OBI1: variants seen among roughly 807,000 people sequenced by gnomAD.
OBI1 encodes the protein ORC ubiquitin ligase 1.
Under a neutral mutation model 62.4 loss-of-function variants are expected in OBI1, and 59 were observed. The ratio of observed to expected loss-of-function variants is 0.95; its 90% CI spans 0.77 to 1.17. The LOEUF is 1.17. OBI1 is among the 50% of genes most tolerant of loss of function. The pLI is 0.00. For synonymous variants in OBI1, 302 were observed against 292.8 expected, an observed-to-expected ratio of 1.03 and a Z score of -0.32; for missense variants, 875 against 830.9, an observed-to-expected ratio of 1.05 and a Z score of -0.65.
In OBI1 at chr13:78,616,191, T is replaced by C; in HGVS notation, c.1570A>G (p.Thr524Ala). Residue 524 changes from threonine to alanine, a missense_variant, in exon 6 of 6, where the codon ACA (threonine) becomes GCA (alanine). Transcript: ENST00000282003. Reference protein sequence around the residue: ...IRSFEMNRTRTSSEASMDAAY... With the variant: ...IRSFEMNRTRASSEASMDAAY... ...GCATCCATCGATGCTTCACTGGATG[T>C]TCTTGTCCGGTTCATTTCAAAAGAG... The C allele has an allele frequency of 1.2e-6, 2 of 1,614,136 alleles. No homozygotes were observed. The highest frequency in any genetic ancestry group is 1.7e-6 in the Non-Finnish European group (2 of 1,180,018).
intron 3 of OBI1, among the ~76,000 whole-genome samples, chr13:78,640,842 T>G (rs1485486381): frequency 2.0e-5 from 3 of 152,170 alleles, no homozygotes; most frequent in Non-Finnish European, 4.4e-5. Flanking sequence ...ATATTTATAC[T>G]TTCACTTCTA....
chr13:78,638,819 T>C lies in OBI1; in HGVS notation c.549+4A>G. On this transcript the variant is annotated splice_donor_region_variant and intron_variant, in intron 4 of 5. Coordinates refer to ENST00000282003, the MANE Select transcript of OBI1 (RefSeq NM_024546.4). ...ATAATAGATTTTTAAAAACCACAAC[T>C]TACCTCCTTTAGCTTATCCACATCA... 1.2e-6 allele frequency: 2 copies of C among 1,604,030 alleles called. No homozygotes were observed. The highest frequency in any genetic ancestry group is 1.7e-6 in the Non-Finnish European group (2 of 1,176,780).
At position 78,614,303 on chromosome 13, in the gene OBI1, C is replaced by T. The variant is rs1566272193; in HGVS notation, c.*1277G>A. 1 of 152,460 alleles carries T rather than the reference C, an allele frequency of 6.6e-6. No individual in the cohort carries two copies. Among genetic ancestry groups the T allele is most frequent in the Non-Finnish European group, 1.5e-5 (1 of 68,014 alleles). 9.4% of individuals were successfully genotyped at this position (152,460 alleles called of 1,614,324 possible). On this transcript the variant is annotated 3_prime_UTR_variant, in exon 6 of 6. Transcript: ENST00000282003. ...ACATCAAGGAACACAGTGCTTATGA[C>T]ATTCTTTATTCAATTCACATAGAAA...
intron 4 of OBI1, among the ~76,000 whole-genome samples, chr13:78,638,104 C>T (rs970876164): frequency 6.6e-6 from 1 of 152,174 alleles, no homozygotes; most frequent in Non-Finnish European, 1.5e-5. Flanking sequence ...TGTGGATAAA[C>T]TTGAACTCAA....
intron 3 of OBI1, among the ~76,000 whole-genome samples, chr13:78,639,296 A>G (rs1430330680): frequency 6.6e-6 from 1 of 152,238 alleles, no homozygotes; most frequent in Non-Finnish European, 1.5e-5. Context: ...CTTCATTTTA[A>G]TTCAATGTTA....
In OBI1 at chr13:78,616,392, C is replaced by T. The variant is rs1255441118; in HGVS notation, c.1369G>A (p.Glu457Lys). Reference sequence around the variant, plus strand: ...CCTGTCTTTGGGGAAGAAAAACATTCTGATTTCTTTTCATTTTCACTTCTA... The same window carrying T: ...CCTGTCTTTGGGGAAGAAAAACATTTTGATTTCTTTTCATTTTCACTTCTA... ...ISRSENEKKS[E>K]CFSSPKTGFW... is the part of the protein sequence containing the mutation. The change falls in exon 6 of 6, where the codon GAA (glutamate) becomes AAA (lysine). Residue 457 changes from glutamate to lysine, a missense_variant. Transcript: ENST00000282003. 2 of 1,613,066 alleles carry T rather than the reference C, an allele frequency of 1.2e-6. No homozygotes were observed. The highest frequency in any genetic ancestry group is 2.2e-5 in the South Asian group (2 of 90,842).
chr13:78,625,647 G>T (rs1440698105), intron 5 of OBI1, among the ~76,000 whole-genome samples: 1 of 152,154 alleles, frequency 6.6e-6, no homozygotes, highest in Non-Finnish European at 1.5e-5. Context: ...ACAGAAAACT[G>T]CAGTACCTGT....
chr13:78,638,355 C>A (rs142877789), intron 4 of OBI1, among the ~76,000 whole-genome samples: 111 of 152,264 alleles, frequency 7.3e-4, no homozygotes, highest in Non-Finnish European at 1.3e-3. Flanking sequence ...GAATTAGTCA[C>A]CAAGTCTTTA....
chr13:78,653,667 T>C (rs1277202436), intron 1 of OBI1, among the ~76,000 whole-genome samples: 1 of 151,882 alleles, frequency 6.6e-6, no homozygotes, highest in Non-Finnish European at 1.5e-5. Context: ...CTGATGGAGG[T>C]GATGGGAGTG....
intron 5 of OBI1, among the ~76,000 whole-genome samples, chr13:78,634,621 C>T (rs1195955416): frequency 1.3e-5 from 2 of 152,124 alleles, no homozygotes; most frequent in African/African-American, 4.8e-5. Flanking sequence ...CTAACACTTC[C>T]ACTTGTGAAG....
intron 5 of OBI1, among the ~76,000 whole-genome samples, chr13:78,631,405 T>G (rs534247272): frequency 1.1e-4 from 16 of 152,310 alleles, no homozygotes; most frequent in African/African-American, 3.8e-4. Context: ...AGAGTATTTA[T>G]TTTGTTCCAA....
chr13:78,655,639 T>A (rs1187116944), intron 1 of OBI1, among the ~76,000 whole-genome samples: 2 of 152,162 alleles, frequency 1.3e-5, no homozygotes, highest in Admixed American at 6.5e-5. Context: ...CCTGCCCTCA[T>A]CTCTCCCCCT....
rs1359560485 is a variant in OBI1 at position 78,644,743 on chromosome 13, A to C, written c.208+119T>G. Reference sequence around the variant, plus strand: ...CATTACACAAATTACTCAACCACTCAGTATTATGTTGGCCAAATAGCATCA... The same window carrying C: ...CATTACACAAATTACTCAACCACTCCGTATTATGTTGGCCAAATAGCATCA... On this transcript the variant is annotated intron_variant, in intron 2 of 5. Coordinates refer to ENST00000282003, the MANE Select transcript of OBI1 (RefSeq NM_024546.4). 3.7e-6 allele frequency: 4 copies of C among 1,073,482 alleles called. No homozygotes were observed. In the African/African-American group the frequency reaches 4.7e-5, roughly 13 times the overall value. The allele number at this position is 1,073,482 out of a possible 1,614,324, so 66.5% of individuals were successfully genotyped here.
chr13:78,614,971 T>A lies in OBI1; in HGVS notation c.*609A>T, dbSNP rs1229726444. On this transcript the variant is annotated 3_prime_UTR_variant, in exon 6 of 6. Transcript: ENST00000282003. ...ATGCTAAAAAATGCAAACATATACA[T>A]AAAACCTAAAAAAAGAAAGTAAATC... 6.6e-6 allele frequency: 1 copy of A among 151,952 alleles called. No homozygotes were observed. Among genetic ancestry groups the A allele is most frequent in the Non-Finnish European group, 1.5e-5 (1 of 67,974 alleles). The allele number at this position is 151,952 out of a possible 1,614,324, so 9.4% of individuals were successfully genotyped here. A position where few individuals can be genotyped will look rare whatever the true frequency, so the allele number is the denominator to read the frequency against.
At chr13:78,639,138 T>C in intron 3 of OBI1, 67 bp from the exon 4 acceptor site, 1 of 1,475,502 alleles carries the variant, frequency 6.8e-7, no homozygotes, top group Non-Finnish European at 9.1e-7. Flanking sequence ...TATGCTAAAC[T>C]GAAGCCAACA....
At position 78,616,587 on chromosome 13, in the gene OBI1, GA is replaced by G; in HGVS notation, c.1173del (p.Pro392LeufsTer56). 1 of 1,614,116 alleles carries G rather than the reference GA, an allele frequency of 6.2e-7. No homozygotes were observed. The highest frequency in any genetic ancestry group is 8.5e-7 in the Non-Finnish European group (1 of 1,180,030). On this transcript the variant is annotated frameshift_variant, in exon 6 of 6. Transcript: ENST00000282003. LOFTEE classifies it high-confidence loss of function. Reference sequence around the variant, plus strand: ...AGCTGAAGGCAACTAAGGGACAAAGGAGTACAAGGAGCTGGAAGATCATAAA... The same window carrying G: ...AGCTGAAGGCAACTAAGGGACAAAGGGTACAAGGAGCTGGAAGATCATAAA... ...EELYDLPAPC[T>X]PLSLSCLQLS...
intron 5 of OBI1, among the ~76,000 whole-genome samples, chr13:78,622,916 TG>T (rs1875555615): frequency 6.6e-6 from 1 of 152,040 alleles, no homozygotes; most frequent in Non-Finnish European, 1.5e-5. Context: ...TGTTAGGTGG[TG>T]GGGGAGAAGG....
chr13:78,629,191 TA>T lies in OBI1; in HGVS notation c.638+5918del, dbSNP rs1187408975. Among the ~76,000 whole-genome samples the T allele has an allele frequency of 2.0e-5, 3 of 152,138 alleles. No homozygotes were observed. The East Asian group carries it at 5.8e-4, about 30-fold the overall frequency. ...TGAGGCATTGCTGAAGACTTGTCCA[TA>T]ATGACAAGCCTTGGGGTTGCTGTAC... On this transcript the variant is annotated intron_variant, in intron 5 of 5. Coordinates refer to ENST00000282003, the MANE Select transcript of OBI1 (RefSeq NM_024546.4).
At chr13:78,649,244 A>C (rs948939536) in intron 1 of OBI1, among the ~76,000 whole-genome samples, 2 of 152,242 alleles carry the variant, frequency 1.3e-5, no homozygotes, top group Admixed American at 1.3e-4. Context: ...GGAGAAAAGA[A>C]GGCACTCCAG....
Sources: allele counts gnomAD v4.1 joint callset (sites outside exome capture counted in the v4.1 genomes callset), GRCh38; gene constraint gnomAD v4.1.1; transcripts MANE v1.5; gene names NCBI Gene and HGNC (gene_info 2026-07-23, HGNC 2026-07-21).